Variants in CACNA2D1 observed in about 807,000 individuals in gnomAD.
CACNA2D1 encodes the protein calcium voltage-gated channel auxiliary subunit alpha2delta 1.
In CACNA2D1, 53 loss-of-function variants were observed where a neutral mutation model predicts 171.5. The observed-to-expected ratio is 0.31, with a 90% CI of 0.25 to 0.39. The LOEUF is 0.39. Ranked by LOEUF, CACNA2D1 falls within the 10% of genes least tolerant of loss-of-function variation. CACNA2D1 has a pLI of 1.00. For synonymous variants in CACNA2D1, 442 were observed against 443.1 expected (o/e 1.00, Z 0.03); for missense variants, 903 against 1,299.8 (o/e 0.69, Z 4.69).
At chr7:82,194,315 C>T (rs1390877824) in intron 3 of CACNA2D1, among the ~76,000 whole-genome samples, 2 of 151,964 alleles carry the variant, frequency 1.3e-5, no homozygotes, top group African/African-American at 2.4e-5. Context: ...CCTCATTTTG[C>T]TTTGTGCCAA....
chr7:82,356,036 T>TCC (rs1221545670), intron 1 of CACNA2D1, among the ~76,000 whole-genome samples: 3 of 152,060 alleles, frequency 2.0e-5, no homozygotes, highest in Admixed American at 2.0e-4. Flanking sequence ...TACCATCTTA[T>TCC]CCCTCCTCCA....
chr7:82,214,891 T>G (rs373163951), intron 3 of CACNA2D1, among the ~76,000 whole-genome samples: 1 of 152,200 alleles, frequency 6.6e-6, no homozygotes, highest in East Asian at 1.9e-4. Context: ...TTATCAACAG[T>G]CTCTTCCTTT....
chr7:82,194,162 C>T (rs950052682), intron 3 of CACNA2D1, among the ~76,000 whole-genome samples: 12 of 151,954 alleles, frequency 7.9e-5, no homozygotes, highest in Admixed American at 7.9e-4. Context: ...TGGCATGAGC[C>T]AGTGACAGAG....
chr7:82,060,211 A>ATATATATAAT (rs374742133), intron 10 of CACNA2D1, among the ~76,000 whole-genome samples: 1 of 31,336 alleles, frequency 3.2e-5, no homozygotes, highest in African/African-American at 1.1e-4. Flanking sequence ...TTATATATAT[A>ATATATATAAT]ATATATATAT....
At chr7:82,255,818 C>T (rs1281841614) in intron 3 of CACNA2D1, among the ~76,000 whole-genome samples, 1 of 152,196 alleles carries the variant, frequency 6.6e-6, no homozygotes, top group Non-Finnish European at 1.5e-5. Flanking sequence ...TGACCAACTG[C>T]CCTACAGCTT....
Position 82,101,154 on chromosome 7 carries a change from T to G in CACNA2D1, c.526+15890A>C, listed in dbSNP as rs189522038. ...AATTTGTAGTCACCACACACTAACA[T>G]AAAATGAAAATCTAAAGAAGAAAAC... is the stretch of plus-strand genomic sequence containing the variant. On this transcript the variant is annotated intron_variant, in intron 6 of 38. Transcript: ENST00000356860. 1.3e-3 allele frequency among the ~76,000 whole-genome samples: 200 copies of G among 152,182 alleles called. 1 individual carries two copies. Among genetic ancestry groups the G allele is most frequent in the Non-Finnish European group, 1.4e-3 (96 of 67,978 alleles).
At chr7:82,102,487 C>A (rs258672) in intron 6 of CACNA2D1, among the ~76,000 whole-genome samples, 1 of 151,586 alleles carries the variant, frequency 6.6e-6, no homozygotes, top group African/African-American at 2.4e-5. Context: ...CATATATATA[C>A]ACACACACAC....
rs917105846 is a variant in CACNA2D1 at position 82,117,177 on chromosome 7, T to C, written c.397-4A>G. ...GCTCACTGTCATTTTTCTCAGGCTA[T>C]ATAGAAAAAGAATAAACAGAATATT... On this transcript the variant is annotated splice_polypyrimidine_tract_variant and splice_region_variant and intron_variant, in intron 5 of 38. Coordinates refer to ENST00000356860, the MANE Select transcript of CACNA2D1 (RefSeq NM_000722.4). 1.9e-6 allele frequency: 3 copies of C among 1,613,256 alleles called. No homozygotes were observed. The highest frequency in any genetic ancestry group is 1.7e-4 in the Middle Eastern group (1 of 6,054).
At chr7:82,218,230 G>A (rs188241265) in intron 3 of CACNA2D1, among the ~76,000 whole-genome samples, 4 of 152,180 alleles carry the variant, frequency 2.6e-5, no homozygotes, top group East Asian at 1.9e-4. Flanking sequence ...CACCGTGTCC[G>A]GCCGACTACA....
chr7:82,060,320 A>G (rs893561502), intron 10 of CACNA2D1, 108 bp downstream of exon 10: 5 of 703,300 alleles, frequency 7.1e-6, no homozygotes, highest in Admixed American at 2.2e-5. Context: ...CTTGCAATAT[A>G]TCAAAAATGT....
At chr7:81,956,803 A>G (rs535333939) in intron 38 of CACNA2D1, among the ~76,000 whole-genome samples, 1 of 152,254 alleles carries the variant, frequency 6.6e-6, no homozygotes, top group Admixed American at 6.5e-5. Context: ...CTAGTAATAC[A>G]TCATGATGAT....
intron 3 of CACNA2D1, among the ~76,000 whole-genome samples, chr7:82,285,975 A>T (rs1304999661): frequency 1.3e-5 from 2 of 152,192 alleles, no homozygotes; most frequent in Non-Finnish European, 1.5e-5. Context: ...AGGAACTGAA[A>T]GCATTTTCTT....
chr7:82,120,493 G>T (rs1277574494), intron 5 of CACNA2D1, among the ~76,000 whole-genome samples: 1 of 152,164 alleles, frequency 6.6e-6, no homozygotes, highest in Non-Finnish European at 1.5e-5. Context: ...TCAAAGATAG[G>T]ATGTGTTATA....
chr7:82,073,109 A>C (rs1008043683), intron 7 of CACNA2D1, among the ~76,000 whole-genome samples: 1 of 152,166 alleles, frequency 6.6e-6, no homozygotes, highest in Non-Finnish European at 1.5e-5. Flanking sequence ...CTAGGAATCT[A>C]AAAACTGACT....
chr7:82,422,593 A>C (rs1828808654), intron 1 of CACNA2D1, among the ~76,000 whole-genome samples: 2 of 152,140 alleles, frequency 1.3e-5, no homozygotes, highest in South Asian at 4.1e-4. Flanking sequence ...GAGAGTCTTG[A>C]AACACATAAC....
At chr7:82,097,151 T>C (rs1245872334) in intron 6 of CACNA2D1, among the ~76,000 whole-genome samples, 2 of 151,956 alleles carry the variant, frequency 1.3e-5, no homozygotes, top group African/African-American at 4.8e-5. Flanking sequence ...CAGGCAGAAA[T>C]AGACATAGGG....
intron 7 of CACNA2D1, among the ~76,000 whole-genome samples, chr7:82,078,808 G>C (rs1809325361): frequency 6.6e-6 from 1 of 152,128 alleles, no homozygotes; most frequent in Non-Finnish European, 1.5e-5. Context: ...CAAAGTGACG[G>C]TGATGACAGC....
In CACNA2D1 at chr7:82,112,810, C is replaced by T. The variant is rs549384065; in HGVS notation, c.526+4234G>A. Among the ~76,000 whole-genome samples the T allele has an allele frequency of 3.9e-5, 6 of 152,278 alleles. No homozygotes were observed. The South Asian group carries it at 1.2e-3, about 32-fold the overall frequency. On this transcript the variant is annotated intron_variant, in intron 6 of 38. Coordinates refer to ENST00000356860, the MANE Select transcript of CACNA2D1 (RefSeq NM_000722.4). ...CAATTGTCCAGAAAGACTGCAAGCA[C>T]CTTTTTCCTCTGCAATTTTGACACT...
chr7:82,280,777 G>T (rs918426769), intron 3 of CACNA2D1, among the ~76,000 whole-genome samples: 1 of 152,058 alleles, frequency 6.6e-6, no homozygotes, highest in Non-Finnish European at 1.5e-5. Flanking sequence ...GAACTCTTGG[G>T]CTCCAGTGAT....
Sources: allele counts gnomAD v4.1 joint callset (sites outside exome capture counted in the v4.1 genomes callset), GRCh38; gene constraint gnomAD v4.1.1; transcripts MANE v1.5; gene names NCBI Gene and HGNC (gene_info 2026-07-23, HGNC 2026-07-21).